Variants in PKIB observed in about 807,000 individuals in gnomAD.
PKIB encodes the protein PKI-beta.
A neutral mutation model predicts 4.5 loss-of-function variants in PKIB; 2 were observed. That is an observed-to-expected ratio of 0.44 (90% CI 0.18 to 1.39). The LOEUF (loss-of-function observed/expected upper bound fraction) is 1.39, where lower values mean the gene tolerates loss of function less well. Ranked by LOEUF, PKIB falls within the 40% of genes most tolerant of loss-of-function variation. The pLI, the probability that PKIB is intolerant of heterozygous loss-of-function variation, is 0.27. For synonymous variants in PKIB, 38 were observed against 36.0 expected, an observed-to-expected ratio of 1.06 and a Z score of -0.20; for missense variants, 94 against 92.6, an observed-to-expected ratio of 1.02 and a Z score of -0.06.
intron 2 of PKIB, among the ~76,000 whole-genome samples, chr6:122,520,828 T>A (rs1303123194): frequency 6.6e-6 from 1 of 152,198 alleles, no homozygotes; most frequent in African/African-American, 2.4e-5. Context: ...GTTTATTTAG[T>A]CCTGTAGCAT....
intron 2 of PKIB, among the ~76,000 whole-genome samples, chr6:122,583,904 G>A (rs578249123): frequency 7.2e-5 from 11 of 152,146 alleles, no homozygotes; most frequent in Non-Finnish European, 1.2e-4. Flanking sequence ...GCCCCTTTTC[G>A]CAGTTTCACT....
chr6:122,696,291 C>T (rs541516278), intron 3 of PKIB, among the ~76,000 whole-genome samples: 47 of 152,182 alleles, frequency 3.1e-4, no homozygotes, highest in African/African-American at 1.1e-3. Flanking sequence ...TTTGATGTTT[C>T]TGGGAAGGGA....
intron 2 of PKIB, among the ~76,000 whole-genome samples, chr6:122,501,129 G>T (rs1379067948): frequency 6.6e-6 from 1 of 152,062 alleles, no homozygotes; most frequent in African/African-American, 2.4e-5. Flanking sequence ...TCACATTCCA[G>T]AACACAATCA....
chr6:122,689,538 A>G (rs1778238818), intron 3 of PKIB, among the ~76,000 whole-genome samples: 1 of 152,196 alleles, frequency 6.6e-6, no homozygotes, highest in South Asian at 2.1e-4. Flanking sequence ...TTAGGAGCAT[A>G]TTGTTTAATT....
At chr6:122,677,450 T>C (rs1172704238) in intron 3 of PKIB, among the ~76,000 whole-genome samples, 3 of 152,202 alleles carry the variant, frequency 2.0e-5, no homozygotes, top group Non-Finnish European at 4.4e-5. Context: ...TTACCATATA[T>C]GGATGAGGGG....
chr6:122,717,323 T>C (rs934254960), intron 3 of PKIB, among the ~76,000 whole-genome samples: 1 of 152,194 alleles, frequency 6.6e-6, no homozygotes, highest in African/African-American at 2.4e-5. Context: ...AATTTCTTAT[T>C]TCTAAGAAGT....
chr6:122,604,334 G>A (rs941535415), intron 3 of PKIB, among the ~76,000 whole-genome samples: 1 of 152,194 alleles, frequency 6.6e-6, no homozygotes, highest in African/African-American at 2.4e-5. Context: ...TGGCAACTTG[G>A]CACATTTGAA....
chr6:122,479,139 C>T (rs533668272), intron 2 of PKIB: 1 of 152,274 alleles, frequency 6.6e-6, no homozygotes, highest in South Asian at 2.1e-4. Flanking sequence ...GGAGAAATCA[C>T]CCACCTTCTA....
chr6:122,500,956 C>T (rs961921764), intron 2 of PKIB, among the ~76,000 whole-genome samples: 1 of 152,090 alleles, frequency 6.6e-6, no homozygotes, highest in African/African-American at 2.4e-5. Context: ...TCATTCACTA[C>T]CACAAGAACA....
At chr6:122,696,249 G>C (rs1289330773) in intron 3 of PKIB, among the ~76,000 whole-genome samples, 2 of 152,194 alleles carry the variant, frequency 1.3e-5, no homozygotes, top group Non-Finnish European at 2.9e-5. Context: ...ACAAACCGTA[G>C]AGTGGGAATT....
At chr6:122,499,191 G>A (rs963021336) in intron 2 of PKIB, among the ~76,000 whole-genome samples, 1 of 152,018 alleles carries the variant, frequency 6.6e-6, no homozygotes, top group African/African-American at 2.4e-5. Flanking sequence ...TGAGGAACAG[G>A]GACTCTTCTC....
chr6:122,597,325 G>C (rs1483746689), intron 3 of PKIB, among the ~76,000 whole-genome samples: 1 of 152,234 alleles, frequency 6.6e-6, no homozygotes, highest in South Asian at 2.1e-4. Context: ...GGACAGTAAA[G>C]ATATATTGCT....
chr6:122,511,954 G>C (rs114827234), intron 2 of PKIB, among the ~76,000 whole-genome samples: 1 of 152,052 alleles, frequency 6.6e-6, no homozygotes, highest in African/African-American at 2.4e-5. Context: ...ATAAGAGAGC[G>C]GATCTCACTC....
intron 3 of PKIB, among the ~76,000 whole-genome samples, chr6:122,689,560 G>A (rs57961063): frequency 0.31 from 47,590 of 151,916 alleles, 8,485 homozygotes; most frequent in South Asian, 0.56. Flanking sequence ...CCATGTGTTT[G>A]TATAGGTTCC....
chr6:122,522,652 G>T (rs1387329535), intron 2 of PKIB, among the ~76,000 whole-genome samples: 2 of 152,148 alleles, frequency 1.3e-5, no homozygotes, highest in Non-Finnish European at 2.9e-5. Context: ...GGCTTCCCTT[G>T]GCTAGTGGAG....
At chr6:122,523,482 G>C (rs1777006084) in intron 2 of PKIB, among the ~76,000 whole-genome samples, 1 of 152,000 alleles carries the variant, frequency 6.6e-6, no homozygotes, top group Admixed American at 6.6e-5. Context: ...TTTTTGTGCT[G>C]TTCTCATGAT....
intron 3 of PKIB, among the ~76,000 whole-genome samples, chr6:122,694,484 G>C (rs1778481764): frequency 6.6e-6 from 1 of 152,176 alleles, no homozygotes; most frequent in South Asian, 2.1e-4. Context: ...CTTAGGAAGA[G>C]CTAATTTGCT....
intron 3 of PKIB, among the ~76,000 whole-genome samples, chr6:122,593,781 G>T (rs1475944817): frequency 2.0e-5 from 3 of 152,116 alleles, no homozygotes; most frequent in African/African-American, 7.2e-5. Flanking sequence ...CACAAAAGTT[G>T]TCAGGAACAG....
intron 2 of PKIB, among the ~76,000 whole-genome samples, chr6:122,525,793 T>C (rs975717280): frequency 1.3e-5 from 2 of 152,168 alleles, no homozygotes; most frequent in African/African-American, 2.4e-5. Context: ...TTGCTGAAGG[T>C]TGAAGTGGCT....
Sources: gnomAD v4.1 joint callset for allele counts (sites outside exome capture counted in the v4.1 genomes callset) on GRCh38, gnomAD v4.1.1 for gene constraint, MANE v1.5 for transcripts, NCBI Gene and HGNC (gene_info 2026-07-23, HGNC 2026-07-21) for gene names.